The following CSNK1G3 variants were observed in gnomAD, a reference collection of about 807,000 sequenced individuals.
CSNK1G3 encodes the protein casein kinase I isoform gamma-3.
Under a neutral mutation model 64.3 loss-of-function variants are expected in CSNK1G3, and 23 were observed. The ratio of observed to expected loss-of-function variants is 0.36; its 90% CI spans 0.26 to 0.51. The LOEUF is 0.51. Among genes scored for constraint, CSNK1G3 ranks in the 20% least tolerant of loss-of-function variants. The probability of loss-of-function intolerance (pLI) is 0.96; values close to 1 mark genes in which losing one functional copy is unlikely to be tolerated. For missense variants in CSNK1G3, 357 were observed against 510.5 expected, an observed-to-expected ratio of 0.70 and a Z score of 2.90; for synonymous variants, 158 against 162.2, an observed-to-expected ratio of 0.97 and a Z score of 0.20.
chr5:123,595,281 C>A, intron 10 of CSNK1G3, 147 bp downstream of exon 11: 2 of 709,842 alleles, frequency 2.8e-6, no homozygotes, highest in Non-Finnish European at 4.5e-6. Context: ...TGTTATTTAA[C>A]CAGAAAAACC....
chr5:123,595,245 C>A, intron 10 of CSNK1G3, 111 bp downstream of exon 11: 1 of 935,242 alleles, frequency 1.1e-6, no homozygotes, highest in Non-Finnish European at 1.6e-6. Context: ...TGTTGCTGAA[C>A]TACTCTATCC....
At chr5:123,590,846 T>C (rs532266049) in intron 9 of CSNK1G3, among the ~76,000 whole-genome samples, 3 of 152,200 alleles carry the variant, frequency 2.0e-5, no homozygotes, top group Admixed American at 6.5e-5. Context: ...ATTCTCATGA[T>C]TAATTTAATA....
At chr5:123,591,330 G>T in exon 10 of CSNK1G3, 1 of 1,602,614 alleles carries the variant, frequency 6.2e-7, no homozygotes, top group Non-Finnish European at 8.5e-7. Context: ...CTACTCCAGT[G>T]GGTGCAGTTC....
intron 6 of CSNK1G3, among the ~76,000 whole-genome samples, chr5:123,579,808 C>T (rs76422624): frequency 0.02 from 3,062 of 152,010 alleles, 109 homozygotes; most frequent in African/African-American, 0.07. Context: ...TAGCAAACAA[C>T]GAATGCTTAA....
At chr5:123,554,061 CTA>C (rs1784172640) in intron 3 of CSNK1G3, among the ~76,000 whole-genome samples, 1 of 152,064 alleles carries the variant, frequency 6.6e-6, no homozygotes. Context: ...AAAAGAGAGA[CTA>C]TTAGGAGAAG....
chr5:123,611,464 G>C (rs1267914173), intron 12 of CSNK1G3, among the ~76,000 whole-genome samples: 1 of 152,126 alleles, frequency 6.6e-6, no homozygotes, highest in African/African-American at 2.4e-5. Flanking sequence ...TCAAATAAAT[G>C]CTTGGCGTAG....
intron 4 of CSNK1G3, among the ~76,000 whole-genome samples, chr5:123,565,283 T>C (rs1165590954): frequency 6.6e-6 from 1 of 152,184 alleles, no homozygotes; most frequent in East Asian, 1.9e-4. Flanking sequence ...TATTACAAAA[T>C]AATTTTGATA....
At chr5:123,602,794 A>G (rs1794720050) in intron 10 of CSNK1G3, among the ~76,000 whole-genome samples, 1 of 152,112 alleles carries the variant, frequency 6.6e-6, no homozygotes, top group African/African-American at 2.4e-5. Context: ...CCTAGAGGTG[A>G]GAGTTGAAGC....
chr5:123,609,966 C>T (rs1581453915), intron 12 of CSNK1G3, among the ~76,000 whole-genome samples: 1 of 152,124 alleles, frequency 6.6e-6, no homozygotes, highest in Non-Finnish European at 1.5e-5. Flanking sequence ...GAGACTTAGA[C>T]TGGGAAGTCC....
chr5:123,578,626 C>G lies in CSNK1G3; in HGVS notation c.673+2663C>G, dbSNP rs182634820. Among the ~76,000 whole-genome samples, 6 of 151,894 alleles carry G rather than the reference C, an allele frequency of 4.0e-5. 1 individual carries two copies. The highest frequency in any genetic ancestry group is 1.4e-4 in the African/African-American group (6 of 41,490). On this transcript the variant is annotated intron_variant, in intron 6 of 12. Transcript: ENST00000345990. Reference sequence around the variant, plus strand: ...TAAATATTTTTGAAGTCTAGTTTATCAGTTTTTTTGTTTATGGTTATTGCC... The same window carrying G: ...TAAATATTTTTGAAGTCTAGTTTATGAGTTTTTTTGTTTATGGTTATTGCC...
rs1337580013 is a variant in CSNK1G3 at position 123,607,759 on chromosome 5, T to C, written c.1217+2397T>C. On this transcript the variant is annotated intron_variant, in intron 12 of 12. Transcript: ENST00000345990. ...AATAAAATGGTTGTTTTAAAAAAAGTATAGCAACTCATAATATCAGTGAAG... is the reference window on the plus strand; with the variant it reads ...AATAAAATGGTTGTTTTAAAAAAAGCATAGCAACTCATAATATCAGTGAAG... Among the ~76,000 whole-genome samples, 8 of 152,328 alleles carry C rather than the reference T, an allele frequency of 5.3e-5. No individual in the cohort carries two copies. The East Asian group carries it at 1.5e-3, about 29-fold the overall frequency.
rs1778702653 is a variant in CSNK1G3, at chr5:123,524,559, T to G, written c.-248+11989T>G. Among the ~76,000 whole-genome samples the G allele has an allele frequency of 2.0e-5, 3 of 152,334 alleles. No homozygotes were observed. In the South Asian group the frequency reaches 6.2e-4, roughly 32 times the overall value. ...TCGTTTCAAGTATATTTATATCTGC[T>G]TTGGCTTATTCTTATTTTTTGCCTC... On this transcript the variant is annotated intron_variant, in intron 1 of 12. Transcript: ENST00000345990.
At chr5:123,540,060 CT>C (rs780019471) in intron 1 of CSNK1G3, among the ~76,000 whole-genome samples, 16 of 151,816 alleles carry the variant, frequency 1.1e-4, no homozygotes, top group Non-Finnish European at 1.9e-4. Context: ...TTTCGTTGAC[CT>C]TTTTCAAAGA....
intron 3 of CSNK1G3, among the ~76,000 whole-genome samples, chr5:123,556,624 A>C (rs537624145): frequency 1.3e-5 from 2 of 152,100 alleles, no homozygotes; most frequent in African/African-American, 4.8e-5. Context: ...ATTCTTTTTG[A>C]AATTTTCTAT....
chr5:123,575,702 C>A, intron 5 of CSNK1G3, 27 bp from the exon 6 acceptor site: 1 of 1,489,646 alleles, frequency 6.7e-7, no homozygotes, highest in Non-Finnish European at 9.3e-7. Flanking sequence ...CAAAATAAAA[C>A]TTCTCTTCTT....
chr5:123,605,313 A>AT (rs748895349), intron 11 of CSNK1G3, 26 bp from the exon 13 acceptor site: 41,295 of 1,046,680 alleles, frequency 0.039, 5 homozygotes, highest in South Asian at 0.054. Context: ...TTTTCCTTGT[A>AT]TTTTTTTTTT....
chr5:123,548,257 A>C (rs1317267553), intron 2 of CSNK1G3, among the ~76,000 whole-genome samples: 1 of 152,084 alleles, frequency 6.6e-6, no homozygotes, highest in African/African-American at 2.4e-5. Flanking sequence ...CCAGAAGTTC[A>C]AGACCAGCCT....
In CSNK1G3 at chr5:123,575,966, A is replaced by T. The variant is rs558847767; in HGVS notation, c.673+3A>T. On this transcript the variant is annotated splice_donor_region_variant and intron_variant, in intron 6 of 12. Coordinates refer to ENST00000345990, the Ensembl canonical transcript of CSNK1G3. ...CATAAACACACATTTAGGAAAAGGT[A>T]TGTGTACCTTTCGTAAGTATGGAAG... 6.3e-7 allele frequency: 1 copy of T among 1,582,332 alleles called. No individual in the cohort carries two copies. Among genetic ancestry groups the T allele is most frequent in the South Asian group, 1.1e-5 (1 of 89,874 alleles).
chr5:123,554,148 G>A (rs1784184647), intron 3 of CSNK1G3, among the ~76,000 whole-genome samples: 1 of 152,262 alleles, frequency 6.6e-6, no homozygotes, highest in South Asian at 2.1e-4. Flanking sequence ...AAGTTTTAGT[G>A]TAACAAATGT....
Sources: allele counts gnomAD v4.1 joint callset (sites outside exome capture counted in the v4.1 genomes callset), GRCh38; gene constraint gnomAD v4.1.1; transcripts MANE v1.5; gene names NCBI Gene and HGNC (gene_info 2026-07-23, HGNC 2026-07-21).